Variants in BRAF observed in about 807,000 individuals in gnomAD.
The protein encoded by BRAF is serine/threonine-protein kinase B-raf.
A neutral mutation model predicts 104.6 loss-of-function variants in BRAF; 16 were observed. The observed-to-expected ratio is 0.15, with a 90% CI of 0.10 to 0.23. The LOEUF (loss-of-function observed/expected upper bound fraction) is 0.23, where lower values mean the gene tolerates loss of function less well. Among genes scored for constraint, BRAF ranks in the 10% least tolerant of loss-of-function variants. The pLI, the probability that BRAF is intolerant of heterozygous loss-of-function variation, is 1.00. For synonymous variants in BRAF, 310 were observed against 341.6 expected, an observed-to-expected ratio of 0.91 and a Z score of 1.02; for missense variants, 541 against 937.3, an observed-to-expected ratio of 0.58 and a Z score of 5.52.
At chr7:140,801,343 G>A (rs1427174997) in intron 6 of BRAF, 69 bp downstream of exon 6, 29 of 1,555,426 alleles carry the variant, frequency 1.9e-5, no homozygotes, top group Middle Eastern at 1.7e-4. Flanking sequence ...TTTAGACATC[G>A]TAGCTTCACA....
rs1795423865 is a variant in BRAF at position 140,723,459 on chromosome 7, T to TACAA, written c.*3034_*3035insTTGT. 1 of 1,054,364 alleles carries TACAA rather than the reference T, an allele frequency of 9.5e-7. No individual in the cohort carries two copies. The highest frequency in any genetic ancestry group is 1.1e-6 in the Non-Finnish European group (1 of 872,756). 65.3% of individuals were successfully genotyped at this position (1,054,364 alleles called of 1,614,324 possible). A position where few individuals can be genotyped will look rare whatever the true frequency, so the allele number is the denominator to read the frequency against. ...ATCTCAAATACAATCAGGGGTGAGA[T>TACAA]ATTCGGGAACCAGAATTTGACAGCT... On this transcript the variant is annotated 3_prime_UTR_variant, in exon 20 of 20. Coordinates refer to ENST00000644969, the MANE Select transcript of BRAF (RefSeq NM_001374258.1).
intron 1 of BRAF, among the ~76,000 whole-genome samples, chr7:140,863,932 A>C (rs1230502786): frequency 6.6e-6 from 1 of 152,212 alleles, no homozygotes; most frequent in Non-Finnish European, 1.5e-5. Context: ...CCTTTATAGC[A>C]ATCAGAGAAC....
At chr7:140,826,743 C>T (rs561309339) in intron 3 of BRAF, among the ~76,000 whole-genome samples, 1 of 152,278 alleles carries the variant, frequency 6.6e-6, no homozygotes, top group South Asian at 2.1e-4. Context: ...CACTTTACTC[C>T]TAAATACTTA....
chr7:140,767,176 G>T (rs1404760249), intron 14 of BRAF, among the ~76,000 whole-genome samples: 1 of 151,708 alleles, frequency 6.6e-6, no homozygotes, highest in Non-Finnish European at 1.5e-5. Flanking sequence ...GCTAATTTTT[G>T]TATTTTTTGG....
At chr7:140,852,376 A>G (rs1267607) in intron 1 of BRAF, among the ~76,000 whole-genome samples, 138,309 of 144,444 alleles carry the variant, frequency 0.96, 66,269 homozygotes, top group East Asian at 1. Context: ...TTCTACCGCC[A>G]CCCCACAACC....
At chr7:140,833,440 C>T (rs1372734711) in intron 3 of BRAF, among the ~76,000 whole-genome samples, 1 of 152,164 alleles carries the variant, frequency 6.6e-6, no homozygotes, top group South Asian at 2.1e-4. Flanking sequence ...TAGGCTGCTT[C>T]GAAGATTATC....
At chr7:140,843,963 C>T (rs898369093) in intron 2 of BRAF, among the ~76,000 whole-genome samples, 1 of 152,060 alleles carries the variant, frequency 6.6e-6, no homozygotes, top group Non-Finnish European at 1.5e-5. Context: ...GAGCCGAGAT[C>T]GCACCACTGC....
intron 7 of BRAF, among the ~76,000 whole-genome samples, chr7:140,797,386 T>A (rs1015144010): frequency 6.6e-6 from 1 of 152,194 alleles, no homozygotes; most frequent in African/African-American, 2.4e-5. Context: ...GCTTCTCCAA[T>A]ATTTCTTGAT....
intron 3 of BRAF, among the ~76,000 whole-genome samples, chr7:140,815,168 C>T (rs1457551992): frequency 3.4e-5 from 5 of 146,994 alleles, no homozygotes; most frequent in Admixed American, 6.8e-5. Context: ...GACAGAGTCT[C>T]GCTCTGTCGC....
chr7:140,857,510 T>G lies in BRAF; in HGVS notation c.139-7298A>C, dbSNP rs560397269. ...TGCAGCCATAGAAAATGAACACAGA[T>G]GGAGAATCTAGAGACTAATATACAT... is the stretch of plus-strand genomic sequence containing the variant. On this transcript the variant is annotated intron_variant, in intron 1 of 19. Transcript: ENST00000644969. Among the ~76,000 whole-genome samples, 160 of 152,260 alleles carry G rather than the reference T, an allele frequency of 1.1e-3. 2 individuals are homozygous for G. Among genetic ancestry groups the G allele is most frequent in the East Asian group, 3.9e-4 (2 of 5,186 alleles).
At chr7:140,892,159 G>A (rs1814300895) in intron 1 of BRAF, among the ~76,000 whole-genome samples, 2 of 152,108 alleles carry the variant, frequency 1.3e-5, no homozygotes, top group Admixed American at 1.3e-4. Flanking sequence ...TACTTGGAAG[G>A]GTAACAGAAT....
intron 1 of BRAF, among the ~76,000 whole-genome samples, chr7:140,892,205 G>A (rs993025238): frequency 6.6e-6 from 1 of 151,992 alleles, no homozygotes; most frequent in African/African-American, 2.4e-5. Context: ...GCAGTGAGCC[G>A]AGATTGTGCC....
chr7:140,722,898 C>T lies in BRAF; in HGVS notation c.*3596G>A. ...CCACTTTCAACAACATTCAGATATT[C>T]CGAGCAACACATTTTTTTACAGTAT... On this transcript the variant is annotated 3_prime_UTR_variant, in exon 20 of 20. Coordinates refer to ENST00000644969, the MANE Select transcript of BRAF (RefSeq NM_001374258.1). The T allele has an allele frequency of 3.8e-6, 4 of 1,055,548 alleles. No individual in the cohort carries two copies. The highest frequency in any genetic ancestry group is 4.6e-6 in the Non-Finnish European group (4 of 873,220). 65.4% of individuals were successfully genotyped at this position (1,055,548 alleles called of 1,614,324 possible). A position where few individuals can be genotyped will look rare whatever the true frequency, so the allele number is the denominator to read the frequency against.
intron 1 of BRAF, among the ~76,000 whole-genome samples, chr7:140,890,931 T>C (rs934882559): frequency 6.6e-6 from 1 of 152,242 alleles, no homozygotes; most frequent in Admixed American, 6.5e-5. Flanking sequence ...ACCACAATTC[T>C]GATTTAAAGT....
At chr7:140,828,626 A>G (rs899290146) in intron 3 of BRAF, among the ~76,000 whole-genome samples, 2 of 152,172 alleles carry the variant, frequency 1.3e-5, no homozygotes, top group Admixed American at 6.5e-5. Flanking sequence ...CACAGGCTGC[A>G]TTGTACTACA....
At chr7:140,726,573 C>T (rs1585899273) in intron 19 of BRAF, 32 of 1,379,314 alleles carry the variant, frequency 2.3e-5, no homozygotes, top group African/African-American at 2.3e-4. Context: ...AACCTAGAGA[C>T]ACAGAAAAGC....
In BRAF at chr7:140,725,858, T is replaced by A. The variant is rs776928972; in HGVS notation, c.*636A>T. ...CGGAGGTCAGGAAGAAGATGCAGCA[T>A]GCCCTTTTCCTCCATACCAAGACAC... On this transcript the variant is annotated 3_prime_UTR_variant, in exon 20 of 20. Transcript: ENST00000644969. The A allele has an allele frequency of 1.4e-5, 15 of 1,063,018 alleles. No individual in the cohort carries two copies. Among genetic ancestry groups the A allele is most frequent in the Non-Finnish European group, 1.7e-5 (15 of 877,930 alleles). 65.8% of individuals were successfully genotyped at this position (1,063,018 alleles called of 1,614,324 possible).
the BRAF span, among the ~76,000 whole-genome samples, chr7:140,713,512 C>A: frequency 1.3e-5 from 2 of 152,146 alleles, no homozygotes; most frequent in African/African-American, 4.8e-5. Flanking sequence ...ATCCATTCAT[C>A]TAATTTTTTT....
intron 14 of BRAF, among the ~76,000 whole-genome samples, chr7:140,760,911 G>T (rs1314968472): frequency 1.3e-5 from 2 of 152,168 alleles, no homozygotes; most frequent in Non-Finnish European, 2.9e-5. Context: ...ATCTACGTCT[G>T]ATTAGTGTAC....
Sources: gnomAD v4.1 joint callset for allele counts (sites outside exome capture counted in the v4.1 genomes callset) on GRCh38, gnomAD v4.1.1 for gene constraint, MANE v1.5 for transcripts, NCBI Gene and HGNC (gene_info 2026-07-23, HGNC 2026-07-21) for gene names.